MACROD2: variants seen among roughly 807,000 people sequenced by gnomAD.
MACROD2 encodes the protein mono-ADP ribosylhydrolase 2.
Under a neutral mutation model 70.4 loss-of-function variants are expected in MACROD2, and 36 were observed. The observed-to-expected ratio is 0.51, with a 90% CI of 0.39 to 0.68. The LOEUF (loss-of-function observed/expected upper bound fraction) is 0.68, where lower values mean the gene tolerates loss of function less well. Among genes scored for constraint, MACROD2 ranks in the 30% least tolerant of loss-of-function variants. The probability of loss-of-function intolerance (pLI) is 0.00; values close to 1 mark genes in which losing one functional copy is unlikely to be tolerated. For missense variants in MACROD2, 496 were observed against 538.4 expected (o/e 0.92, Z 0.78); for synonymous variants, 172 against 178.8 (o/e 0.96, Z 0.30).
chr20:15,154,156 C>T lies in MACROD2; in HGVS notation c.419-75784C>T, dbSNP rs116575450. ...TGGTGAGTTCAGAAATTTCTAGCAG[C>T]GATATTTCTTCAGCCCAAAGTAAAT... On this transcript the variant is annotated intron_variant, in intron 5 of 17. Coordinates refer to ENST00000684519, the MANE Select transcript of MACROD2 (RefSeq NM_001351661.2). Among the ~76,000 whole-genome samples the T allele has an allele frequency of 1.6e-3, 251 of 152,226 alleles. 5 individuals are homozygous for T. The highest frequency in any genetic ancestry group is 5.9e-3 in the African/African-American group (244 of 41,546).
intron 3 of MACROD2, among the ~76,000 whole-genome samples, chr20:14,479,363 G>C (rs968692154): frequency 6.6e-6 from 1 of 152,144 alleles, no homozygotes; most frequent in Non-Finnish European, 1.5e-5. Context: ...AGACCCTGTT[G>C]AGAAGGAGAA....
intron 5 of MACROD2, among the ~76,000 whole-genome samples, chr20:14,749,465 A>T (rs1016180153): frequency 6.6e-6 from 1 of 152,132 alleles, no homozygotes; most frequent in Non-Finnish European, 1.5e-5. Flanking sequence ...CTAAGTGTGT[A>T]TCACCAGAAG....
chr20:15,431,493 A>C, intron 7 of MACROD2, 58 bp downstream of exon 7: 1 of 1,496,918 alleles, frequency 6.7e-7, no homozygotes. Context: ...TTAAATGCAG[A>C]GATTCAGTGA....
chr20:15,155,037 TA>T (rs377166886), intron 5 of MACROD2, among the ~76,000 whole-genome samples: 1,694 of 151,828 alleles, frequency 0.011, 30 homozygotes, highest in African/African-American at 0.037. Flanking sequence ...TTCTTCAATT[TA>T]AAAAAAATGA....
intron 7 of MACROD2, among the ~76,000 whole-genome samples, chr20:15,460,977 CATATATATAT>C (rs1157335873): frequency 1.0e-4 from 7 of 69,746 alleles, no homozygotes; most frequent in African/African-American, 3.6e-4. Flanking sequence ...TCTCTCTCTC[CATATATATAT>C]ATATATATAT....
rs142717957 is a variant in MACROD2, at chr20:14,665,758, C to T, written c.302-19085C>T. On this transcript the variant is annotated intron_variant, in intron 4 of 17. Transcript: ENST00000684519. ...TTACATATATCCATCCTTTAGATTT[C>T]GTTTTCTTCCACAGTCACTGGAAGG... is the stretch of plus-strand genomic sequence containing the variant. Among the ~76,000 whole-genome samples the T allele has an allele frequency of 7.6e-3, 1,160 of 152,012 alleles. 18 individuals are homozygous for T. The highest frequency in any genetic ancestry group is 0.026 in the African/African-American group (1,091 of 41,480).
chr20:15,605,474 G>T (rs2048880631), intron 8 of MACROD2, among the ~76,000 whole-genome samples: 1 of 151,562 alleles, frequency 6.6e-6, no homozygotes, highest in Admixed American at 6.6e-5. Context: ...GTGTGTGTGT[G>T]TGTGTGTGTG....
At chr20:14,541,570 T>C (rs545441615) in intron 4 of MACROD2, among the ~76,000 whole-genome samples, 1 of 151,458 alleles carries the variant, frequency 6.6e-6, no homozygotes, top group Admixed American at 6.6e-5. Flanking sequence ...CCTAGGACAG[T>C]GCCTAGCACA....
intron 8 of MACROD2, among the ~76,000 whole-genome samples, chr20:15,776,811 C>T (rs2051729702): frequency 6.6e-6 from 1 of 152,158 alleles, no homozygotes; most frequent in African/African-American, 2.4e-5. Context: ...GTCTTGATTA[C>T]TCAACAAGAG....
intron 5 of MACROD2, among the ~76,000 whole-genome samples, chr20:14,704,098 G>A (rs770853157): frequency 5.3e-5 from 8 of 152,064 alleles, no homozygotes; most frequent in Admixed American, 1.3e-4. Flanking sequence ...TCTCTTATCT[G>A]AAAATGAAGA....
chr20:14,225,344 A>G (rs2081722509), intron 3 of MACROD2, among the ~76,000 whole-genome samples: 1 of 152,230 alleles, frequency 6.6e-6, no homozygotes. Flanking sequence ...AAAAACATAT[A>G]TGAGAAATAT....
intron 3 of MACROD2, among the ~76,000 whole-genome samples, chr20:14,317,294 T>C (rs1463965561): frequency 6.6e-6 from 1 of 152,154 alleles, no homozygotes; most frequent in Non-Finnish European, 1.5e-5. Context: ...ATCATAGTTT[T>C]TCACTTTATA....
intron 6 of MACROD2, among the ~76,000 whole-genome samples, chr20:15,380,703 G>A (rs2045631354): frequency 6.6e-6 from 1 of 152,050 alleles, no homozygotes; most frequent in African/African-American, 2.4e-5. Context: ...TGATGGAACT[G>A]TTTACACCAA....
At chr20:14,875,279 G>A (rs1026923230) in intron 5 of MACROD2, among the ~76,000 whole-genome samples, 3 of 151,942 alleles carry the variant, frequency 2.0e-5, no homozygotes, top group African/African-American at 4.8e-5. Context: ...TACTTGGGAG[G>A]CTGTGGCAGG....
chr20:14,440,367 T>C (rs932534869), intron 3 of MACROD2, among the ~76,000 whole-genome samples: 2 of 152,186 alleles, frequency 1.3e-5, no homozygotes, highest in Admixed American at 6.5e-5. Flanking sequence ...TTTTTTGGTT[T>C]TAGCTCATCA....
intron 8 of MACROD2, among the ~76,000 whole-genome samples, chr20:15,590,639 T>C (rs2048664467): frequency 6.6e-6 from 1 of 152,138 alleles, no homozygotes; most frequent in African/African-American, 2.4e-5. Flanking sequence ...TCCCAGCACT[T>C]TGGGAGGCCG....
chr20:14,779,242 T>C (rs2072269755), intron 5 of MACROD2, among the ~76,000 whole-genome samples: 2 of 152,096 alleles, frequency 1.3e-5, no homozygotes, highest in Non-Finnish European at 2.9e-5. Context: ...TCAATCAGAA[T>C]TGTGGTCGTC....
intron 5 of MACROD2, among the ~76,000 whole-genome samples, chr20:14,848,140 A>G (rs1288301436): frequency 6.6e-6 from 1 of 152,194 alleles, no homozygotes; most frequent in Non-Finnish European, 1.5e-5. Flanking sequence ...ATTAAAATTG[A>G]TGGATATTTT....
chr20:15,070,569 C>T (rs1323138227), intron 5 of MACROD2, among the ~76,000 whole-genome samples: 3 of 152,122 alleles, frequency 2.0e-5, no homozygotes, highest in East Asian at 1.9e-4. Context: ...GCTTGGTGTC[C>T]TCCCCATAGT....
Sources: gnomAD v4.1 joint callset for allele counts (sites outside exome capture counted in the v4.1 genomes callset) on GRCh38, gnomAD v4.1.1 for gene constraint, MANE v1.5 for transcripts, NCBI Gene and HGNC (gene_info 2026-07-23, HGNC 2026-07-21) for gene names.